Variants in ARHGAP24 observed in about 807,000 individuals in gnomAD.
ARHGAP24 encodes the protein rho GTPase-activating protein 24.
Under a neutral mutation model 76.4 loss-of-function variants are expected in ARHGAP24, and 50 were observed. The observed-to-expected ratio is 0.65, with a 90% CI of 0.52 to 0.83. ARHGAP24 has a LOEUF of 0.83. Ranked by LOEUF, ARHGAP24 falls within the 40% of genes least tolerant of loss-of-function variation. The probability of loss-of-function intolerance (pLI) is 0.00; values close to 1 mark genes in which losing one functional copy is unlikely to be tolerated. For synonymous variants in ARHGAP24, 345 were observed against 323.3 expected, an observed-to-expected ratio of 1.07 and a Z score of -0.72; for missense variants, 930 against 914.2, an observed-to-expected ratio of 1.02 and a Z score of -0.22.
At chr4:85,501,536 T>A (rs2110099514) in intron 1 of ARHGAP24, among the ~76,000 whole-genome samples, 1 of 152,368 alleles carries the variant, frequency 6.6e-6, no homozygotes, top group East Asian at 1.9e-4. Context: ...TTGAGAAGTG[T>A]CTGTTCATAT....
At chr4:85,947,361 T>C (rs892266636) in intron 5 of ARHGAP24, among the ~76,000 whole-genome samples, 6 of 152,088 alleles carry the variant, frequency 3.9e-5, no homozygotes, top group African/African-American at 1.2e-4. Flanking sequence ...TCAATTTTTG[T>C]TTTTGTTGCA....
At chr4:85,576,186 T>C (rs28705965) in intron 2 of ARHGAP24, among the ~76,000 whole-genome samples, 4,082 of 134,914 alleles carry the variant, frequency 0.03, 179 homozygotes, top group African/African-American at 0.11. Context: ...TCCCAGCACT[T>C]TGGGAGGCCG....
intron 3 of ARHGAP24, among the ~76,000 whole-genome samples, chr4:85,826,720 A>G (rs768568564): frequency 6.6e-6 from 1 of 152,320 alleles, no homozygotes; most frequent in East Asian, 1.9e-4. Flanking sequence ...CAGCCAAGGA[A>G]GTAGACAAAA....
At chr4:85,829,928 A>G (rs370927959) in intron 3 of ARHGAP24, among the ~76,000 whole-genome samples, 1 of 152,216 alleles carries the variant, frequency 6.6e-6, no homozygotes. Flanking sequence ...TTCTTTAGAT[A>G]ACTAGCTTAC....
At chr4:85,524,192 AT>A (rs1724894659) in intron 1 of ARHGAP24, among the ~76,000 whole-genome samples, 1 of 152,152 alleles carries the variant, frequency 6.6e-6, no homozygotes, top group Non-Finnish European at 1.5e-5. Context: ...CCGCTACAGA[AT>A]TCTGATACCC....
chr4:85,917,859 T>G (rs1032950695), intron 3 of ARHGAP24, among the ~76,000 whole-genome samples: 3 of 152,170 alleles, frequency 2.0e-5, no homozygotes, highest in Admixed American at 2.0e-4. Context: ...ACACAATAAG[T>G]ACAATAAAAT....
chr4:85,996,724 G>A (rs1207056610), intron 9 of ARHGAP24, among the ~76,000 whole-genome samples: 1 of 152,096 alleles, frequency 6.6e-6, no homozygotes. Flanking sequence ...AGAGTGACAG[G>A]AGATTTAAAG....
intron 2 of ARHGAP24, among the ~76,000 whole-genome samples, chr4:85,680,284 A>G (rs1723159256): frequency 6.6e-6 from 1 of 152,228 alleles, no homozygotes; most frequent in African/African-American, 2.4e-5. Context: ...AACAAAAATA[A>G]ATTTAATTTA....
At position 85,570,688 on chromosome 4, in the gene ARHGAP24, T is replaced by C; in HGVS notation, c.147T>C (p.Tyr49=). The change falls in exon 2 of 10, where the codon TAT becomes TAC. Residue 49 remains tyrosine, a synonymous_variant. Coordinates refer to ENST00000395184, the MANE Select transcript of ARHGAP24 (RefSeq NM_001025616.3). Reference sequence around the variant, plus strand: ...TTGTGCTCAAGGGGGATCAGCTCTATTATTTCAAAGATGAAGATGAAACCA... The same window carrying C: ...TTGTGCTCAAGGGGGATCAGCTCTACTATTTCAAAGATGAAGATGAAACCA... The part of the protein sequence containing the change: ...RWFVLKGDQL[Y]YFKDEDETKP... The C allele has an allele frequency of 6.2e-7, 1 of 1,614,116 alleles. No homozygotes were observed. Among genetic ancestry groups the C allele is most frequent in the Non-Finnish European group, 8.5e-7 (1 of 1,179,996 alleles).
chr4:85,559,613 A>G (rs1348009888), intron 1 of ARHGAP24, among the ~76,000 whole-genome samples: 2 of 152,264 alleles, frequency 1.3e-5, no homozygotes, highest in Non-Finnish European at 2.9e-5. Context: ...TCATATTAAT[A>G]AACTATGGGT....
chr4:85,715,494 A>G (rs1179309182), intron 2 of ARHGAP24, among the ~76,000 whole-genome samples: 1 of 152,026 alleles, frequency 6.6e-6, no homozygotes, highest in Non-Finnish European at 1.5e-5. Context: ...AGTAGGATCT[A>G]TTTTTATCCC....
intron 3 of ARHGAP24, among the ~76,000 whole-genome samples, chr4:85,893,989 A>T (rs1733988047): frequency 6.9e-6 from 1 of 145,032 alleles, no homozygotes; most frequent in Non-Finnish European, 1.5e-5. Flanking sequence ...TGGGAGATAT[A>T]CCTAATGCTA....
At chr4:85,642,311 C>T (rs1372044139) in intron 2 of ARHGAP24, among the ~76,000 whole-genome samples, 2 of 152,108 alleles carry the variant, frequency 1.3e-5, no homozygotes, top group African/African-American at 4.8e-5. Context: ...AACCAATAGG[C>T]AGATACATAA....
chr4:85,889,560 GATTTT>G (rs1225665754), intron 3 of ARHGAP24, among the ~76,000 whole-genome samples: 2 of 152,128 alleles, frequency 1.3e-5, no homozygotes, highest in Non-Finnish European at 2.9e-5. Flanking sequence ...TATACAAGGC[GATTTT>G]ATATTTGAAA....
chr4:85,510,278 CTT>C (rs1443960866), intron 1 of ARHGAP24, among the ~76,000 whole-genome samples: 1 of 152,074 alleles, frequency 6.6e-6, no homozygotes, highest in African/African-American at 2.4e-5. Flanking sequence ...TGGAATGTGT[CTT>C]ATTTCATTCT....
intron 2 of ARHGAP24, among the ~76,000 whole-genome samples, chr4:85,703,899 C>A (rs1300057149): frequency 6.6e-6 from 1 of 152,044 alleles, no homozygotes; most frequent in African/African-American, 2.4e-5. Context: ...TTATGCTACC[C>A]CCAAAAAAAT....
chr4:85,753,219 G>C (rs1042376466), intron 3 of ARHGAP24, among the ~76,000 whole-genome samples: 6 of 152,152 alleles, frequency 3.9e-5, no homozygotes, highest in African/African-American at 1.4e-4. Context: ...AAATTGTATA[G>C]AGATGTTCTA....
chr4:85,616,773 G>A (rs1189183231), intron 2 of ARHGAP24, among the ~76,000 whole-genome samples: 1 of 151,986 alleles, frequency 6.6e-6, no homozygotes, highest in Non-Finnish European at 1.5e-5. Context: ...GATTACAGGG[G>A]TGCGCCACCA....
At chr4:85,576,117 G>C (rs888008297) in intron 2 of ARHGAP24, among the ~76,000 whole-genome samples, 7 of 152,198 alleles carry the variant, frequency 4.6e-5, no homozygotes, top group Non-Finnish European at 1.0e-4. Context: ...AAATGTGCAA[G>C]GATTGATTGC....
Sources: allele counts gnomAD v4.1 joint callset (sites outside exome capture counted in the v4.1 genomes callset), GRCh38; gene constraint gnomAD v4.1.1; transcripts MANE v1.5; gene names NCBI Gene and HGNC (gene_info 2026-07-23, HGNC 2026-07-21).